Variants in SYT10 observed in about 807,000 individuals in gnomAD.
SYT10 encodes the protein synaptotagmin 10.
Under a neutral mutation model 51.1 loss-of-function variants are expected in SYT10, and 31 were observed. The ratio of observed to expected loss-of-function variants is 0.61; its 90% CI spans 0.46 to 0.82. The LOEUF (loss-of-function observed/expected upper bound fraction) is 0.82. Among genes scored for constraint, SYT10 ranks in the 40% least tolerant of loss-of-function variants. SYT10 has a pLI of 0.00. For missense variants in SYT10, 603 were observed against 634.0 expected (o/e 0.95, Z 0.53); for synonymous variants, 233 against 225.9 (o/e 1.03, Z -0.28).
chr12:33,437,660 C>T (rs1163970658), intron 1 of SYT10, among the ~76,000 whole-genome samples: 2 of 152,130 alleles, frequency 1.3e-5, no homozygotes, highest in African/African-American at 4.8e-5. Context: ...GCACAATCTT[C>T]AAACTTAAAT....
At chr12:33,427,876 T>C (rs760609256) in intron 1 of SYT10, among the ~76,000 whole-genome samples, 3 of 152,206 alleles carry the variant, frequency 2.0e-5, no homozygotes, top group Non-Finnish European at 4.4e-5. Context: ...AACTATGACA[T>C]GAAGTACACT....
intron 3 of SYT10, among the ~76,000 whole-genome samples, chr12:33,387,474 G>T (rs769731173): frequency 6.6e-6 from 1 of 152,162 alleles, no homozygotes; most frequent in Non-Finnish European, 1.5e-5. Flanking sequence ...CTACTGTATT[G>T]CTAGCACATA....
rs934121619 is a variant in SYT10 at position 33,426,051 on chromosome 12, CTT to C, written c.509+85_509+86del. The C allele has an allele frequency of 1.3e-5, 18 of 1,363,770 alleles. No homozygotes were observed. The African/African-American group carries it at 2.6e-4, about 19-fold the overall frequency. 84.5% of individuals were successfully genotyped at this position (1,363,770 alleles called of 1,614,324 possible). On this transcript the variant is annotated intron_variant, in intron 2 of 6. Coordinates refer to ENST00000228567, the MANE Select transcript of SYT10 (RefSeq NM_198992.4). ...TTTCTCCCAACTAAAGTTTTTCTCT[CTT>C]ATGAAATTTCACACACACACACACA... is the stretch of plus-strand genomic sequence containing the variant.
rs1866124213 is a variant in SYT10 at position 33,382,466 on chromosome 12, T to G, written c.1253A>C (p.Lys418Thr). 1 of 1,613,228 alleles carries G rather than the reference T, an allele frequency of 6.2e-7. No individual in the cohort carries two copies. The highest frequency in any genetic ancestry group is 1.3e-5 in the African/African-American group (1 of 74,876). Residue 418 changes from lysine (K) to threonine (T), a missense_variant, in exon 5 of 7, where the codon AAA (lysine) becomes ACA (threonine). Lys to Thr is a moderately conservative substitution (Grantham distance 78). Coordinates refer to ENST00000228567, the MANE Select transcript of SYT10 (RefSeq NM_198992.4). The part of the protein sequence containing the change: ...MCEGRRLKKR[K>T]TTTKKNTLNP... ...TAGAGTGTTTTTCTTTGTAGTTGTT[T>G]TCCTCTTTTTTAATCTTCGACCTTC...
At chr12:33,402,098 C>T (rs1866311885) in intron 3 of SYT10, among the ~76,000 whole-genome samples, 1 of 152,174 alleles carries the variant, frequency 6.6e-6, no homozygotes, top group Non-Finnish European at 1.5e-5. Flanking sequence ...CTGAGCACTA[C>T]ATTTCACAAT....
chr12:33,400,595 T>C (rs1323927820), intron 3 of SYT10, among the ~76,000 whole-genome samples: 1 of 151,542 alleles, frequency 6.6e-6, no homozygotes, highest in Non-Finnish European at 1.5e-5. Context: ...AAAAATTTCA[T>C]TGAATAGGTA....
At position 33,376,553 on chromosome 12, in the gene SYT10, A is replaced by T; in HGVS notation, c.*277T>A. 2.4e-6 allele frequency: 1 copy of T among 421,946 alleles called. No homozygotes were observed. Among genetic ancestry groups the T allele is most frequent in the Non-Finnish European group, 4.3e-6 (1 of 233,378 alleles). The allele number at this position is 421,946 out of a possible 1,614,324, so 26.1% of individuals were successfully genotyped here. A position where few individuals can be genotyped will look rare whatever the true frequency, so the allele number is the denominator to read the frequency against. ...CTGTTTAAAAAAACATTTCATATGC[A>T]AAGAATTACAACATAGTAAAACACT... is the stretch of plus-strand genomic sequence containing the variant. On this transcript the variant is annotated 3_prime_UTR_variant, in exon 7 of 7. Coordinates refer to ENST00000228567, the MANE Select transcript of SYT10 (RefSeq NM_198992.4).
chr12:33,409,950 AG>A (rs1245261446), intron 2 of SYT10, among the ~76,000 whole-genome samples: 2 of 152,340 alleles, frequency 1.3e-5, no homozygotes, highest in African/African-American at 4.8e-5. Flanking sequence ...TGGAAGGTGC[AG>A]GAAGATAAAC....
At position 33,374,894 on chromosome 12, in the gene SYT10, A is replaced by G. The variant is rs1362374486; in HGVS notation, c.*1936T>C. ...TGAAAATAATTATACTCACTTAGGA[A>G]ACGTAATTGCTAATTTACTTTAAGC... On this transcript the variant is annotated 3_prime_UTR_variant, in exon 7 of 7. Coordinates refer to ENST00000228567, the MANE Select transcript of SYT10 (RefSeq NM_198992.4). 1 of 152,012 alleles carries G rather than the reference A, an allele frequency of 6.6e-6. No individual in the cohort carries two copies. Among genetic ancestry groups the G allele is most frequent in the Non-Finnish European group, 1.5e-5 (1 of 67,900 alleles). The allele number at this position is 152,012 out of a possible 1,614,324, so 9.4% of individuals were successfully genotyped here. A position where few individuals can be genotyped will look rare whatever the true frequency, so the allele number is the denominator to read the frequency against.
At chr12:33,420,791 C>A (rs1866496430) in intron 2 of SYT10, among the ~76,000 whole-genome samples, 1 of 152,170 alleles carries the variant, frequency 6.6e-6, no homozygotes, top group South Asian at 2.1e-4. Flanking sequence ...AGAGTCATCT[C>A]TTTTCAGAAA....
At position 33,407,161 on chromosome 12, in the gene SYT10, A is replaced by G; in HGVS notation, c.705T>C (p.Leu235=). The part of the protein sequence containing the change: ...QNEDVKICGK[L]NFTLQYDYEN... Reference sequence around the variant, plus strand: ...CATAATCATACTGGAGGGTAAAGTTAAGTTTCCCACAGATTTTGACATCTT... The same window carrying G: ...CATAATCATACTGGAGGGTAAAGTTGAGTTTCCCACAGATTTTGACATCTT... The change falls in exon 3 of 7, where the codon CTT becomes CTC. Residue 235 remains leucine, a synonymous_variant. Coordinates refer to ENST00000228567, the MANE Select transcript of SYT10 (RefSeq NM_198992.4). 1.2e-6 allele frequency: 2 copies of G among 1,614,156 alleles called. No individual in the cohort carries two copies. Among genetic ancestry groups the G allele is most frequent in the Non-Finnish European group, 1.7e-6 (2 of 1,180,030 alleles).
chr12:33,394,694 G>C (rs1178379034), intron 3 of SYT10, among the ~76,000 whole-genome samples: 1 of 152,168 alleles, frequency 6.6e-6, no homozygotes, highest in Non-Finnish European at 1.5e-5. Flanking sequence ...TATTCTAAGC[G>C]ATACAGCTAA....
At chr12:33,405,914 A>T (rs756210729) in intron 3 of SYT10, 1 of 151,764 alleles carries the variant, frequency 6.6e-6, no homozygotes, top group Non-Finnish European at 1.5e-5. Context: ...AACAAAATTT[A>T]TCCCTAACTT....
intron 3 of SYT10, among the ~76,000 whole-genome samples, chr12:33,389,689 T>C (rs1295730997): frequency 3.3e-5 from 5 of 152,212 alleles, no homozygotes; most frequent in Admixed American, 3.3e-4. Context: ...TAGCAGTCAT[T>C]ACATCAACTT....
At chr12:33,391,394 A>G (rs1762603794) in intron 3 of SYT10, among the ~76,000 whole-genome samples, 1 of 152,154 alleles carries the variant, frequency 6.6e-6, no homozygotes, top group African/African-American at 2.4e-5. Context: ...ATGATGAAAA[A>G]TGAGTAAAGG....
At chr12:33,400,670 C>T (rs1055569208) in intron 3 of SYT10, among the ~76,000 whole-genome samples, 2 of 152,044 alleles carry the variant, frequency 1.3e-5, no homozygotes, top group Non-Finnish European at 2.9e-5. Flanking sequence ...TTTTCCTTGT[C>T]TACCTATATT....
chr12:33,385,644 T>A (rs1866151027), intron 3 of SYT10, among the ~76,000 whole-genome samples: 1 of 152,156 alleles, frequency 6.6e-6, no homozygotes, highest in South Asian at 2.1e-4. Context: ...AACCCAGTAG[T>A]GACTATTATT....
chr12:33,422,096 A>G (rs1159028146), intron 2 of SYT10, among the ~76,000 whole-genome samples: 1 of 152,108 alleles, frequency 6.6e-6, no homozygotes, highest in Admixed American at 6.6e-5. Flanking sequence ...TATTAAAAAA[A>G]AAAACTTAAA....
At chr12:33,382,223 G>T in intron 5 of SYT10, 126 bp downstream of exon 5, 1 of 899,330 alleles carries the variant, frequency 1.1e-6, no homozygotes. Context: ...GAATTTTCAA[G>T]GAATCATTAT....
Sources: gnomAD v4.1 joint callset for allele counts (sites outside exome capture counted in the v4.1 genomes callset) on GRCh38, gnomAD v4.1.1 for gene constraint, MANE v1.5 for transcripts, NCBI Gene and HGNC (gene_info 2026-07-23, HGNC 2026-07-21) for gene names.